RMND1: variants seen among roughly 807,000 people sequenced by gnomAD.
The protein encoded by RMND1 is required for meiotic nuclear division protein 1 homolog.
A neutral mutation model predicts 54.0 loss-of-function variants in RMND1; 41 were observed. The observed-to-expected ratio is 0.76, with a 90% CI of 0.59 to 0.98. The LOEUF is 0.98. RMND1 is among the 50% of genes least tolerant of loss of function. The probability of loss-of-function intolerance (pLI) is 0.00; values close to 1 mark genes in which losing one functional copy is unlikely to be tolerated. For synonymous variants in RMND1, 183 were observed against 181.7 expected (o/e 1.01, Z -0.06); for missense variants, 457 against 532.0 (o/e 0.86, Z 1.39).
At chr6:151,411,104 C>A (rs1167123292) in intron 10 of RMND1, among the ~76,000 whole-genome samples, 2 of 152,156 alleles carry the variant, frequency 1.3e-5, no homozygotes, top group African/African-American at 4.8e-5. Context: ...GGATCACAGG[C>A]ATGCACCACC....
intron 10 of RMND1, among the ~76,000 whole-genome samples, chr6:151,416,393 C>T (rs913254965): frequency 6.6e-6 from 1 of 151,110 alleles, no homozygotes; most frequent in African/African-American, 2.4e-5. Context: ...TGCTCTTTCC[C>T]CATGTGGTCT....
intron 1 of RMND1, among the ~76,000 whole-genome samples, chr6:151,449,372 A>C (rs78606152): frequency 0.012 from 1,807 of 150,304 alleles, 36 homozygotes; most frequent in African/African-American, 0.042. Context: ...CTGTAACGAA[A>C]AAAAAAAAAA....
chr6:151,405,116 C>T lies in RMND1; in HGVS notation c.*119G>A. On this transcript the variant is annotated 3_prime_UTR_variant, in exon 12 of 12. Coordinates refer to ENST00000444024, the MANE Select transcript of RMND1 (RefSeq NM_017909.4). ...GCTCCTGATCTCATCTCAAGCCACC[C>T]TTCTTGGCCTCCGAAAGTGCTGGGA... 3 of 813,508 alleles carry T rather than the reference C, an allele frequency of 3.7e-6. No homozygotes were observed. Among genetic ancestry groups the T allele is most frequent in the Admixed American group, 2.2e-5 (1 of 46,000 alleles). 50.4% of individuals were successfully genotyped at this position (813,508 alleles called of 1,614,324 possible).
intron 10 of RMND1, among the ~76,000 whole-genome samples, chr6:151,406,358 T>TG (rs1428888432): frequency 0.017 from 2,624 of 151,584 alleles, 71 homozygotes; most frequent in African/African-American, 0.061. Flanking sequence ...CAACTTTTTT[T>TG]TTTGTTGTTG....
intron 10 of RMND1, among the ~76,000 whole-genome samples, chr6:151,406,318 A>AAAGT (rs942683178): frequency 2.6e-5 from 4 of 152,038 alleles, no homozygotes; most frequent in African/African-American, 4.8e-5. Context: ...CAAAGAAAAT[A>AAAGT]AAGTCCCTGA....
intron 10 of RMND1, 91 bp from the exon 11 acceptor site, chr6:151,405,927 GCTC>G (rs1449094298): frequency 6.3e-6 from 4 of 630,120 alleles, no homozygotes; most frequent in African/African-American, 1.8e-5. Flanking sequence ...GAAAAATCCT[GCTC>G]CTCAGTCCTC....
intron 10 of RMND1, among the ~76,000 whole-genome samples, chr6:151,410,335 A>C (rs137889614): frequency 6.6e-6 from 1 of 152,088 alleles, no homozygotes; most frequent in Non-Finnish European, 1.5e-5. Context: ...GATTACAGGC[A>C]TGAGCCACCG....
chr6:151,438,038 T>C (rs1780662367), intron 2 of RMND1, among the ~76,000 whole-genome samples: 1 of 152,236 alleles, frequency 6.6e-6, no homozygotes, highest in South Asian at 2.1e-4. Context: ...CCAAATTAGC[T>C]AATTCCCATA....
At chr6:151,446,577 T>A (rs1780960226) in intron 1 of RMND1, among the ~76,000 whole-genome samples, 1 of 152,056 alleles carries the variant, frequency 6.6e-6, no homozygotes, top group Non-Finnish European at 1.5e-5. Flanking sequence ...ATTTCCCCCT[T>A]ATTTACAGTA....
Position 151,420,135 on chromosome 6 carries a change from A to G in RMND1, c.1079+1110T>C, listed in dbSNP as rs1780115879. On this transcript the variant is annotated intron_variant, in intron 9 of 11. Transcript: ENST00000444024. ...CACAAACCTACGTATATTTAGTCCT[A>G]ACTATTCAGTTTGGATATTATAATT... 2.0e-5 allele frequency among the ~76,000 whole-genome samples: 3 copies of G among 152,198 alleles called. No homozygotes were observed. The South Asian group carries it at 6.2e-4, about 32-fold the overall frequency.
rs139680996 is a variant in RMND1 at position 151,429,902 on chromosome 6, G to A, written c.729+236C>T. Among the ~76,000 whole-genome samples, 747 of 152,220 alleles carry A rather than the reference G, an allele frequency of 4.9e-3. 5 individuals are homozygous for A. Among genetic ancestry groups the A allele is most frequent in the African/African-American group, 0.017 (708 of 41,534 alleles). Reference sequence around the variant, plus strand: ...AGTACTTCTGTCTGCAGTATAGTTAGGATGGTTCTGATTCTCCACAAATTA... The same window carrying A: ...AGTACTTCTGTCTGCAGTATAGTTAAGATGGTTCTGATTCTCCACAAATTA... On this transcript the variant is annotated intron_variant, in intron 5 of 11. Coordinates refer to ENST00000444024, the MANE Select transcript of RMND1 (RefSeq NM_017909.4).
chr6:151,405,650 CTT>C, intron 11 of RMND1, 68 bp downstream of exon 11: 1 of 766,672 alleles, frequency 1.3e-6, no homozygotes, highest in Non-Finnish European at 2.2e-6. Context: ...CTCAAACTAT[CTT>C]ATTAGCATAG....
intron 10 of RMND1, chr6:151,416,951 T>A (rs1472815168): frequency 5.8e-6 from 1 of 172,080 alleles, no homozygotes; most frequent in African/African-American, 2.4e-5. Context: ...TACATGATTC[T>A]TTCTTAAATT....
At chr6:151,410,951 TTTATC>T (rs1311137909) in intron 10 of RMND1, among the ~76,000 whole-genome samples, 1 of 152,084 alleles carries the variant, frequency 6.6e-6, no homozygotes, top group Non-Finnish European at 1.5e-5. Context: ...TGTAGGAGAC[TTTATC>T]TTATTTATTA....
chr6:151,422,273 C>G (rs968186040), intron 8 of RMND1, among the ~76,000 whole-genome samples: 8 of 152,032 alleles, frequency 5.3e-5, no homozygotes, highest in African/African-American at 1.9e-4. Flanking sequence ...AGTATAACAA[C>G]TATTTACATA....
intron 1 of RMND1, among the ~76,000 whole-genome samples, chr6:151,451,260 T>A (rs6906678): frequency 0.13 from 19,501 of 151,574 alleles, 1,570 homozygotes; most frequent in East Asian, 0.38. Context: ...CCACTTTGCA[T>A]TTCTCCATTG....
At chr6:151,441,641 C>T (rs1043373101) in intron 2 of RMND1, among the ~76,000 whole-genome samples, 11 of 152,088 alleles carry the variant, frequency 7.2e-5, no homozygotes, top group Non-Finnish European at 1.3e-4. Context: ...CCATTAAAAA[C>T]ACCCAGATGA....
intron 6 of RMND1, 68 bp downstream of exon 6, chr6:151,427,414 T>C: frequency 1.1e-6 from 1 of 898,444 alleles, no homozygotes; most frequent in Non-Finnish European, 1.8e-6. Flanking sequence ...TAATAATTTG[T>C]CTCCTCTATT....
chr6:151,451,507 G>A (rs1478708090), intron 1 of RMND1, among the ~76,000 whole-genome samples: 7 of 152,124 alleles, frequency 4.6e-5, no homozygotes, highest in Admixed American at 1.3e-4. Context: ...AAGAGGAAAG[G>A]GCAGATTTTT....
Sources: allele counts gnomAD v4.1 joint callset (sites outside exome capture counted in the v4.1 genomes callset), GRCh38; gene constraint gnomAD v4.1.1; transcripts MANE v1.5; gene names NCBI Gene and HGNC (gene_info 2026-07-23, HGNC 2026-07-21).